TBC1D19: variants seen among roughly 807,000 people sequenced by gnomAD.
The protein encoded by TBC1D19 is TBC1 domain family member 19.
TBC1D19 carries 60 observed loss-of-function variants against 89.0 expected under a neutral mutation model. That is an observed-to-expected ratio of 0.67 (90% CI 0.55 to 0.84). The LOEUF is 0.84. Ranked by LOEUF, TBC1D19 falls within the 40% of genes least tolerant of loss-of-function variation. TBC1D19 has a pLI of 0.00. For synonymous variants in TBC1D19, 189 were observed against 199.7 expected, an observed-to-expected ratio of 0.95 and a Z score of 0.45; for missense variants, 500 against 610.8, an observed-to-expected ratio of 0.82 and a Z score of 1.91.
intron 1 of TBC1D19, among the ~76,000 whole-genome samples, chr4:26,612,589 A>G (rs1741449734): frequency 6.6e-6 from 1 of 152,086 alleles, no homozygotes; most frequent in Non-Finnish European, 1.5e-5. Context: ...TACAAGTAGG[A>G]AAAATTATAT....
chr4:26,667,460 C>T (rs1215381873), intron 9 of TBC1D19, among the ~76,000 whole-genome samples: 1 of 151,978 alleles, frequency 6.6e-6, no homozygotes, highest in Non-Finnish European at 1.5e-5. Context: ...TACAGTGTGT[C>T]TCTGTGATGT....
At chr4:26,576,696 G>A (rs1738981691) in exon 1 of TBC1D19, 8 of 455,760 alleles carry the variant, frequency 1.8e-5, no homozygotes, top group South Asian at 6.2e-5. Context: ...GAGAATTCAC[G>A]GACAGAAGAA....
At chr4:26,722,483 G>A (rs1157054064) in intron 15 of TBC1D19, among the ~76,000 whole-genome samples, 1 of 152,040 alleles carries the variant, frequency 6.6e-6, no homozygotes, top group Non-Finnish European at 1.5e-5. Flanking sequence ...TGAAAAAATA[G>A]CAACAACAGT....
chr4:26,750,068 C>A (rs1436376904), intron 19 of TBC1D19, among the ~76,000 whole-genome samples: 2 of 152,170 alleles, frequency 1.3e-5, no homozygotes, highest in Admixed American at 6.5e-5. Flanking sequence ...CAGTATTGGG[C>A]AATCCCTGCC....
intron 1 of TBC1D19, among the ~76,000 whole-genome samples, chr4:26,586,264 C>G (rs968612797): frequency 2.7e-5 from 4 of 150,486 alleles, no homozygotes; most frequent in African/African-American, 4.9e-5. Flanking sequence ...TCCTTGGCAC[C>G]TTTGTCGAAA....
chr4:26,623,887 C>T (rs1424737538), intron 4 of TBC1D19, among the ~76,000 whole-genome samples: 1 of 152,138 alleles, frequency 6.6e-6, no homozygotes, highest in Non-Finnish European at 1.5e-5. Context: ...TCCCAACTTT[C>T]AGTCTATCTC....
At chr4:26,799,498 G>A in the TBC1D19 span, among the ~76,000 whole-genome samples, 12 of 152,292 alleles carry the variant, frequency 7.9e-5, no homozygotes, top group Admixed American at 3.3e-4. Flanking sequence ...TAAGTCCTAC[G>A]ATCTGAATTT....
chr4:26,715,120 A>T (rs1042943749), intron 13 of TBC1D19, among the ~76,000 whole-genome samples: 12 of 152,008 alleles, frequency 7.9e-5, no homozygotes, highest in African/African-American at 2.4e-4. Context: ...TATACTCCAT[A>T]CAAGTATCTC....
At chr4:26,763,897 A>G in the TBC1D19 span, among the ~76,000 whole-genome samples, 8 of 152,294 alleles carry the variant, frequency 5.3e-5, no homozygotes, top group South Asian at 1.7e-3. Flanking sequence ...TCTGTGTGGA[A>G]GGAGCTCGCT....
intron 18 of TBC1D19, among the ~76,000 whole-genome samples, chr4:26,746,099 T>G (rs1430565201): frequency 2.6e-5 from 4 of 152,240 alleles, no homozygotes; most frequent in African/African-American, 9.6e-5. Context: ...TAAATATTTT[T>G]TTCTGCACCA....
At chr4:26,661,174 T>C (rs1211814699) in intron 8 of TBC1D19, among the ~76,000 whole-genome samples, 1 of 152,058 alleles carries the variant, frequency 6.6e-6, no homozygotes, top group Non-Finnish European at 1.5e-5. Flanking sequence ...GTGTATTCAC[T>C]AGAGATCCAG....
intron 16 of TBC1D19, 69 bp from the exon 17 acceptor site, chr4:26,739,795 C>A: frequency 2.3e-6 from 2 of 860,752 alleles, no homozygotes; most frequent in Non-Finnish European, 3.4e-6. Flanking sequence ...TTTATTATGA[C>A]ATATTTTATA....
chr4:26,701,119 T>G (rs931758098), intron 13 of TBC1D19, among the ~76,000 whole-genome samples: 1 of 152,196 alleles, frequency 6.6e-6, no homozygotes, highest in Non-Finnish European at 1.5e-5. Context: ...CTGCAATTCC[T>G]TTTATAAGCA....
the TBC1D19 span, among the ~76,000 whole-genome samples, chr4:26,835,183 A>G: frequency 2.0e-3 from 305 of 152,348 alleles, 1 homozygote; most frequent in African/African-American, 7.2e-3. Flanking sequence ...AGAGGGAGGC[A>G]GGAGTGTCAG....
At chr4:26,749,174 C>T (rs1718808480) in intron 19 of TBC1D19, among the ~76,000 whole-genome samples, 1 of 151,994 alleles carries the variant, frequency 6.6e-6, no homozygotes. Context: ...TATATGATTA[C>T]AAAGAAGGCA....
rs1220166867 is a variant in TBC1D19, at chr4:26,673,790, G to C, written c.718G>C (p.Asp240His). ...ACTTTTGATAGTTCTAGCAGAACAA[G>C]ATAGTGCTGCTGCTCAACAGTACAT... The part of the protein sequence containing the change: ...RIGQKVLAEQ[D>H]SAAAQQYIRQ... Residue 240 changes from aspartate to histidine, a missense_variant, in exon 11 of 21, where the codon GAT becomes CAT. By Grantham distance (81) the Asp-to-His change is moderately conservative. This residue lies in a region of TBC1D19 where 280 missense variants were observed against 291.7 expected (regional missense o/e 0.96). Transcript: ENST00000264866. 2 of 1,607,656 alleles carry C rather than the reference G, an allele frequency of 1.2e-6. No individual in the cohort carries two copies. The highest frequency in any genetic ancestry group is 1.1e-5 in the South Asian group (1 of 90,866).
intron 11 of TBC1D19, among the ~76,000 whole-genome samples, chr4:26,681,383 C>CA (rs1157928422): frequency 2.0e-5 from 3 of 149,118 alleles, no homozygotes; most frequent in Non-Finnish European, 4.4e-5. Flanking sequence ...AATAAAAATA[C>CA]AAAAAACAAA....
chr4:26,609,775 A>T (rs1033114147), intron 1 of TBC1D19, among the ~76,000 whole-genome samples: 2 of 152,114 alleles, frequency 1.3e-5, no homozygotes, highest in Non-Finnish European at 2.9e-5. Flanking sequence ...ATGCTGGAAG[A>T]TAGATTGGAA....
At chr4:26,748,215 A>G (rs1313785579) in intron 18 of TBC1D19, among the ~76,000 whole-genome samples, 196 bp from the exon 19 acceptor site, 1 of 152,152 alleles carries the variant, frequency 6.6e-6, no homozygotes. Context: ...TCCTCTTAAT[A>G]CTTTAAGACC....
Sources: gnomAD v4.1 joint callset for allele counts (sites outside exome capture counted in the v4.1 genomes callset) on GRCh38, gnomAD v4.1.1 for gene constraint, gnomAD v4.1.1 regional missense constraint, MANE v1.5 for transcripts, NCBI Gene and HGNC (gene_info 2026-07-23, HGNC 2026-07-21) for gene names.